DNAH7: variants seen among roughly 807,000 people sequenced by gnomAD.
DNAH7 encodes the protein dynein axonemal heavy chain 7, also known as axonemal beta dynein heavy chain 7.
DNAH7 carries 397 observed loss-of-function variants against 444.6 expected under a neutral mutation model. The ratio of observed to expected loss-of-function variants is 0.89; its 90% CI spans 0.82 to 0.97. The LOEUF (loss-of-function observed/expected upper bound fraction) is 0.97, where lower values mean the gene tolerates loss of function less well. Ranked by LOEUF, DNAH7 falls within the 50% of genes least tolerant of loss-of-function variation. The pLI is 0.00. For synonymous variants in DNAH7, 1,636 were observed against 1,624.4 expected (o/e 1.01, Z -0.17); for missense variants, 4,902 against 4,800.8 (o/e 1.02, Z -0.62).
intron 6 of DNAH7, among the ~76,000 whole-genome samples, chr2:196,027,621 A>G (rs1405067630): frequency 1.3e-5 from 2 of 152,068 alleles, no homozygotes; most frequent in African/African-American, 2.4e-5. Flanking sequence ...TACTATTCCT[A>G]AAGTACGTTA....
chr2:195,934,885 G>A (rs750690075), intron 20 of DNAH7, 96 bp from the exon 21 acceptor site: 1 of 1,344,586 alleles, frequency 7.4e-7, no homozygotes, highest in Non-Finnish European at 1.0e-6. Flanking sequence ...GCTAGGTGCT[G>A]CTGGGAATGA....
intron 18 of DNAH7, among the ~76,000 whole-genome samples, chr2:195,958,520 C>A (rs1298137175): frequency 5.3e-5 from 8 of 151,950 alleles, no homozygotes; most frequent in South Asian, 2.1e-4. Context: ...CCCCTAAAAC[C>A]CCAAATTGTT....
chr2:195,824,164 T>G, intron 49 of DNAH7, 91 bp downstream of exon 49: 1 of 1,242,958 alleles, frequency 8.0e-7, no homozygotes, highest in African/African-American at 1.5e-5. Context: ...TCCGTTTTTC[T>G]TAGGAAGACT....
chr2:196,011,283 A>G (rs1305965098), intron 10 of DNAH7, among the ~76,000 whole-genome samples: 1 of 152,168 alleles, frequency 6.6e-6, no homozygotes, highest in East Asian at 1.9e-4. Context: ...TACCCTATAT[A>G]TGTACAATTA....
intron 44 of DNAH7, 135 bp downstream of exon 44, chr2:195,857,242 T>C (rs1322774922): frequency 3.9e-6 from 3 of 767,446 alleles, no homozygotes; most frequent in East Asian, 2.8e-5. Context: ...CCAGTAAATA[T>C]GCAAACACAA....
intron 47 of DNAH7, among the ~76,000 whole-genome samples, chr2:195,843,965 A>G (rs1216973221): frequency 2.6e-5 from 4 of 151,836 alleles, no homozygotes; most frequent in Non-Finnish European, 5.9e-5. Context: ...GCGTGGTGGC[A>G]GGTGCCTGTA....
intron 57 of DNAH7, among the ~76,000 whole-genome samples, chr2:195,789,910 T>C (rs1695797806): frequency 6.6e-6 from 1 of 152,180 alleles, no homozygotes; most frequent in Non-Finnish European, 1.5e-5. Context: ...AATATGATTC[T>C]ATACCTGGAA....
At chr2:196,027,829 G>A (rs1695785294) in intron 6 of DNAH7, 131 bp downstream of exon 6, 1 of 700,348 alleles carries the variant, frequency 1.4e-6, no homozygotes, top group African/African-American at 1.8e-5. Flanking sequence ...CCTTTTTATA[G>A]AACTCTGTAT....
chr2:195,935,972 G>T (rs1346040424), intron 20 of DNAH7, among the ~76,000 whole-genome samples: 4 of 151,940 alleles, frequency 2.6e-5, no homozygotes, highest in Non-Finnish European at 5.9e-5. Flanking sequence ...GGATAACAGG[G>T]GAAGGATAAT....
intron 27 of DNAH7, chr2:195,900,729 C>T (rs1025698547): frequency 5.0e-6 from 2 of 400,494 alleles, no homozygotes; most frequent in East Asian, 9.0e-5. Context: ...TTCTAGTGTA[C>T]TGTAGCACTG....
At chr2:195,925,303 C>G (rs1688260816) in intron 22 of DNAH7, among the ~76,000 whole-genome samples, 1 of 152,170 alleles carries the variant, frequency 6.6e-6, no homozygotes, top group South Asian at 2.1e-4. Flanking sequence ...TCCCAGGAGG[C>G]TGCACGTCCC....
chr2:195,990,263 CA>C (rs1413631133), intron 12 of DNAH7, among the ~76,000 whole-genome samples: 1 of 152,022 alleles, frequency 6.6e-6, no homozygotes, highest in Non-Finnish European at 1.5e-5. Context: ...TGGTGAGAGA[CA>C]GGGGTCTAGT....
chr2:195,917,754 A>G (rs1160403608), intron 24 of DNAH7, among the ~76,000 whole-genome samples: 1 of 152,178 alleles, frequency 6.6e-6, no homozygotes, highest in Non-Finnish European at 1.5e-5. Context: ...TCCTGGACTC[A>G]AGTGATCCTC....
intron 9 of DNAH7, among the ~76,000 whole-genome samples, chr2:196,014,953 A>C (rs1694926383): frequency 6.6e-6 from 1 of 152,152 alleles, no homozygotes; most frequent in Non-Finnish European, 1.5e-5. Context: ...TGCATAGTAT[A>C]ACTTATTTAA....
Position 195,969,999 on chromosome 2 carries a change from G to A in DNAH7, c.2154C>T (p.Tyr718=). 1 of 1,611,402 alleles carries A rather than the reference G, an allele frequency of 6.2e-7. No individual in the cohort carries two copies. The part of the protein sequence containing the change: ...SFGDLQDVQR[Y]LKKAQILNGK... Reference sequence around the variant, plus strand: ...CATTCAGTATTTGAGCCTTTTTTAGGTACCGCTGAACATCCTGAAGATCTC... The same window carrying A: ...CATTCAGTATTTGAGCCTTTTTTAGATACCGCTGAACATCCTGAAGATCTC... The change falls in exon 17 of 65, where the codon TAC becomes TAT. Residue 718 remains tyrosine, a synonymous_variant. Coordinates refer to ENST00000312428, the MANE Select transcript of DNAH7 (RefSeq NM_018897.3).
At chr2:196,020,294 G>A (rs150739460) in intron 8 of DNAH7, among the ~76,000 whole-genome samples, 46 of 152,166 alleles carry the variant, frequency 3.0e-4, no homozygotes, top group Admixed American at 1.2e-3. Flanking sequence ...AAAATTATAT[G>A]TGGTATAGGA....
At chr2:195,791,003 CAAAT>C (rs1239193593) in intron 57 of DNAH7, among the ~76,000 whole-genome samples, 1 of 152,078 alleles carries the variant, frequency 6.6e-6, no homozygotes, top group Admixed American at 6.6e-5. Flanking sequence ...AAGCAATAAA[CAAAT>C]AACCCCATTA....
intron 5 of DNAH7, among the ~76,000 whole-genome samples, chr2:196,046,407 T>C (rs1484136577): frequency 1.3e-5 from 2 of 152,182 alleles, no homozygotes; most frequent in Admixed American, 1.3e-4. Flanking sequence ...AAGCTTATCT[T>C]TCTTGGGCAG....
intron 48 of DNAH7, among the ~76,000 whole-genome samples, chr2:195,832,689 G>A (rs1227304929): frequency 4.6e-5 from 7 of 151,886 alleles, no homozygotes; most frequent in East Asian, 3.9e-4. Context: ...TAATCCTCCC[G>A]TCTCAGCCTC....
Sources: allele counts gnomAD v4.1 joint callset (sites outside exome capture counted in the v4.1 genomes callset), GRCh38; gene constraint gnomAD v4.1.1; transcripts MANE v1.5; gene names NCBI Gene and HGNC (gene_info 2026-07-23, HGNC 2026-07-21).